Variants in PYY observed in about 807,000 individuals in gnomAD.
PYY encodes peptide tyrosine tyrosine.
A neutral mutation model predicts 10.3 loss-of-function variants in PYY; 12 were observed. The ratio of observed to expected loss-of-function variants is 1.17; its 90% confidence interval spans 0.75 to 1.89. PYY has a LOEUF of 1.89. Ranked by LOEUF, PYY falls within the 40% of genes most tolerant of loss-of-function variation. The probability of loss-of-function intolerance (pLI) is 0.00; values close to 1 mark genes in which losing one functional copy is unlikely to be tolerated. For missense variants in PYY, 141 were observed against 134.0 expected (o/e 1.05, Z -0.26); for synonymous variants, 66 against 62.0 (o/e 1.06, Z -0.30).
Position 43,953,310 on chromosome 17 carries a change from C to T in PYY, c.174G>A (p.Leu58=), listed in dbSNP as rs1237306326. 6.8e-6 allele frequency: 11 copies of T among 1,612,522 alleles called. No homozygotes were observed. The highest frequency in any genetic ancestry group is 9.3e-6 in the Non-Finnish European group (11 of 1,179,322). Reference sequence around the variant, plus strand: ...CCTGCGCTCACCGCTGCCGGGTGACCAGGTTGAGGTAGTGGCGCAGGGAGG... The same window carrying T: ...CCTGCGCTCACCGCTGCCGGGTGACTAGGTTGAGGTAGTGGCGCAGGGAGG... The part of the protein sequence containing the change: ...YYASLRHYLN[L]VTRQRYGKRD... Residue 58 remains leucine (L), a synonymous_variant, in exon 2 of 4, where the codon CTG becomes CTA. Transcript: ENST00000692052.
intron 1 of PYY, among the ~76,000 whole-genome samples, chr17:43,974,201 G>A (rs1313783099): frequency 6.6e-6 from 1 of 151,882 alleles, no homozygotes; most frequent in Non-Finnish European, 1.5e-5. Context: ...AGGTATCGTG[G>A]GTGTGTCTTT....
chr17:43,953,257 G>C (rs753861101), intron 2 of PYY, 39 bp downstream of exon 2: 2 of 1,608,652 alleles, frequency 1.2e-6, no homozygotes, highest in Admixed American at 3.4e-5. Flanking sequence ...GGGCCGCAGG[G>C]TGAGAGCCCC....
intron 1 of PYY, among the ~76,000 whole-genome samples, chr17:43,976,718 G>A (rs766590884): frequency 6.6e-6 from 1 of 152,134 alleles, no homozygotes; most frequent in Non-Finnish European, 1.5e-5. Flanking sequence ...TTTGCAGTGA[G>A]CCAAGATCAC....
chr17:43,952,886 T>C lies in PYY; in HGVS notation c.*70A>G. 6.9e-7 allele frequency: 1 copy of C among 1,458,040 alleles called. No homozygotes were observed. The highest frequency in any genetic ancestry group is 1.4e-5 in the South Asian group (1 of 70,178). 90.3% of individuals were successfully genotyped at this position (1,458,040 alleles called of 1,614,324 possible). On this transcript the variant is annotated 3_prime_UTR_variant, in exon 4 of 4. Coordinates refer to ENST00000692052, the MANE Select transcript of PYY (RefSeq NM_001394028.1). The stretch of plus-strand genomic sequence containing the variant: ...CGTCGGGAGGCAGAATCCGGGTTTC[T>C]GGGGTCGGGAGTGCGTATGCAAATG...
chr17:43,995,333 G>C (rs2048984140), intron 1 of PYY, among the ~76,000 whole-genome samples: 1 of 152,050 alleles, frequency 6.6e-6, no homozygotes, highest in African/African-American at 2.4e-5. Context: ...GTTTTTGTTT[G>C]GTTTGGTTTG....
chr17:43,973,412 A>G (rs1407326824), intron 1 of PYY, among the ~76,000 whole-genome samples: 2 of 152,244 alleles, frequency 1.3e-5, no homozygotes, highest in Non-Finnish European at 2.9e-5. Context: ...ATGGTCACCA[A>G]GTACCAGAAG....
upstream of PYY, among the ~76,000 whole-genome samples, chr17:43,955,096 G>T (rs1169466347): frequency 2.0e-5 from 3 of 152,208 alleles, no homozygotes; most frequent in Admixed American, 1.3e-4. Flanking sequence ...GGCAGGCCTG[G>T]GAGCAGGGAC....
In PYY at chr17:43,985,352, A is replaced by G. The variant is rs988961176; in HGVS notation, c.-462-18820T>C. On this transcript the variant is annotated intron_variant, in intron 1 of 6. Coordinates refer to the PYY transcript ENST00000360085. ...CAGCCTCCTGAGTAGCTGGGACTAC[A>G]GGTGCATACCACCCCACCCAGCTAT... Among the ~76,000 whole-genome samples, 2 of 152,168 alleles carry G rather than the reference A, an allele frequency of 1.3e-5. 1 individual carries two copies. Among genetic ancestry groups the G allele is most frequent in the Non-Finnish European group, 2.9e-5 (2 of 68,028 alleles).
At chr17:43,995,440 C>G (rs1006140851) in intron 1 of PYY, among the ~76,000 whole-genome samples, 3 of 151,634 alleles carry the variant, frequency 2.0e-5, no homozygotes, top group Non-Finnish European at 4.4e-5. Flanking sequence ...AAGTGATTCT[C>G]CTGCCTCAGC....
Position 43,953,238 on chromosome 17 carries a change from G to A in PYY, c.189-49C>T, listed in dbSNP as rs1421859956. Reference sequence around the variant, plus strand: ...GTGGTCAGATCTGGCCACGCCCCCAGGTGGAGCGGGGCCGCAGGGTGAGAG... The same window carrying A: ...GTGGTCAGATCTGGCCACGCCCCCAAGTGGAGCGGGGCCGCAGGGTGAGAG... On this transcript the variant is annotated intron_variant, in intron 2 of 3. Transcript: ENST00000692052. 14 of 1,609,426 alleles carry A rather than the reference G, an allele frequency of 8.7e-6. No homozygotes were observed. In the African/African-American group the frequency reaches 1.6e-4, roughly 18 times the overall value.
At chr17:43,965,823 A>G (rs1597847070) in intron 2 of PYY, among the ~76,000 whole-genome samples, 2 of 145,016 alleles carry the variant, frequency 1.4e-5, no homozygotes, top group Non-Finnish European at 3.0e-5. Flanking sequence ...AAAAAGAGAG[A>G]GAAACAAGTA....
chr17:43,982,169 C>T (rs2048887825), intron 1 of PYY, among the ~76,000 whole-genome samples: 1 of 152,218 alleles, frequency 6.6e-6, no homozygotes, highest in African/African-American at 2.4e-5. Context: ...CACCCATACA[C>T]ATCACCCCCC....
intron 1 of PYY, among the ~76,000 whole-genome samples, chr17:43,992,926 T>A (rs1476562054): frequency 6.6e-6 from 1 of 151,740 alleles, no homozygotes; most frequent in Non-Finnish European, 1.5e-5. Flanking sequence ...CCTTCCGGCC[T>A]CCAGACAGTG....
chr17:43,964,504 A>G (rs2048740758), intron 2 of PYY, among the ~76,000 whole-genome samples: 4 of 152,238 alleles, frequency 2.6e-5, no homozygotes, highest in Admixed American at 6.5e-5. Context: ...TAACCCCAGC[A>G]CTTTGGGAGG....
chr17:43,984,592 C>T (rs1438312160), intron 1 of PYY, among the ~76,000 whole-genome samples: 1 of 152,154 alleles, frequency 6.6e-6, no homozygotes, highest in Admixed American at 6.5e-5. Flanking sequence ...GGCCAGTGGC[C>T]GGGTAGGGAT....
At chr17:43,977,599 G>A (rs1466184050) in intron 1 of PYY, among the ~76,000 whole-genome samples, 2 of 152,030 alleles carry the variant, frequency 1.3e-5, no homozygotes, top group African/African-American at 2.4e-5. Context: ...TTGTCCCTCT[G>A]TCCACTTTCT....
At chr17:43,996,812 C>T (rs1462323099) in intron 1 of PYY, among the ~76,000 whole-genome samples, 1 of 151,968 alleles carries the variant, frequency 6.6e-6, no homozygotes, top group African/African-American at 2.4e-5. Context: ...CTCAGCCACC[C>T]GAGTAGCTGG....
intron 1 of PYY, among the ~76,000 whole-genome samples, chr17:43,995,002 G>A (rs1043858019): frequency 1.3e-5 from 2 of 152,192 alleles, no homozygotes; most frequent in African/African-American, 2.4e-5. Context: ...CGCAGGGCAG[G>A]CGGACCCCAC....
At chr17:43,992,912 T>C (rs1419423548) in intron 1 of PYY, among the ~76,000 whole-genome samples, 1 of 129,706 alleles carries the variant, frequency 7.7e-6, no homozygotes, top group African/African-American at 2.9e-5. Context: ...AGGAAGCGTG[T>C]CTGCCTTCCG....
Sources: allele counts gnomAD v4.1 joint callset (sites outside exome capture counted in the v4.1 genomes callset), GRCh38; gene constraint gnomAD v4.1.1; transcripts MANE v1.5; gene names NCBI Gene and HGNC (gene_info 2026-07-23, HGNC 2026-07-21).